DAPK2: variants seen among roughly 807,000 people sequenced by gnomAD.
The protein encoded by DAPK2 is death-associated protein kinase 2.
A neutral mutation model predicts 44.1 loss-of-function variants in DAPK2; 35 were observed. The observed-to-expected ratio is 0.79, with a 90% CI of 0.61 to 1.05. DAPK2 has a LOEUF of 1.05. DAPK2 is among the 50% of genes least tolerant of loss of function. The probability of loss-of-function intolerance (pLI) is 0.00; values close to 1 mark genes in which losing one functional copy is unlikely to be tolerated. For missense variants in DAPK2, 453 were observed against 483.2 expected (o/e 0.94, Z 0.59); for synonymous variants, 174 against 182.6 (o/e 0.95, Z 0.38).
chr15:64,046,392 A>ACGGCGGGAG (rs2080469480), upstream of DAPK2: 1 of 288,300 alleles, frequency 3.5e-6, no homozygotes, highest in African/African-American at 2.4e-5. The surrounding 1 kb of genome is among the most constrained non-coding windows in gnomAD (Gnocchi z 5.3). Context: ...CGCGGCGGGA[A>ACGGCGGGAG]CGGGGGACGC....
chr15:64,027,441 T>C (rs2079881428), intron 1 of DAPK2, among the ~76,000 whole-genome samples: 1 of 150,700 alleles, frequency 6.6e-6, no homozygotes. Flanking sequence ...TGGTGGCACA[T>C]AGTCCCAGCT....
rs143907987 is a variant in DAPK2 at position 64,008,096 on chromosome 15, A to G, written c.93-24342T>C. On this transcript the variant is annotated intron_variant, in intron 1 of 10. Coordinates refer to ENST00000261891, the Ensembl canonical transcript of DAPK2. ...AAATGTTCTAAAATTGATGATGATG[A>G]TGGTCACACAACTCTGAATACATTA... Among the ~76,000 whole-genome samples, 377 of 151,976 alleles carry G rather than the reference A, an allele frequency of 2.5e-3. 1 individual carries two copies. The highest frequency in any genetic ancestry group is 8.7e-3 in the African/African-American group (360 of 41,528).
chr15:63,915,541 G>T (rs1223059739), intron 8 of DAPK2, among the ~76,000 whole-genome samples: 1 of 152,200 alleles, frequency 6.6e-6, no homozygotes, highest in African/African-American at 2.4e-5. Flanking sequence ...AGGGGAGGAA[G>T]AGCTAAGCCC....
Position 63,923,421 on chromosome 15 carries a change from A to G in DAPK2, c.858+1395T>C. The stretch of plus-strand genomic sequence containing the variant: ...GAGGGCAGTCCAAAGGGTAGGCAGA[A>G]GGCACACAAGCGGCCTCTGGCATTC... On this transcript the variant is annotated intron_variant, in intron 8 of 10. Coordinates refer to ENST00000261891, the Ensembl canonical transcript of DAPK2. This position sits in a 1 kb window ranked among gnomAD's most constrained non-coding sequence, Gnocchi z 4.2. 1 of 1,480,764 alleles carries G rather than the reference A, an allele frequency of 6.8e-7. No homozygotes were observed. The highest frequency in any genetic ancestry group is 1.4e-5 in the African/African-American group (1 of 71,530). 91.7% of individuals were successfully genotyped at this position (1,480,764 alleles called of 1,614,324 possible). A position where few individuals can be genotyped will look rare whatever the true frequency, so the allele number is the denominator to read the frequency against.
In DAPK2 at chr15:63,939,316, T is replaced by C; in HGVS notation, c.499A>G (p.Ile167Val). Residue 167 changes from isoleucine (I) to valine (V), a missense_variant, in exon 4 of 11, where the codon ATC becomes GTC. Physicochemically the swap from Ile to Val is conservative, Grantham distance 29 (BLOSUM62 3). Coordinates refer to ENST00000261891, the Ensembl canonical transcript of DAPK2. This position sits in a 1 kb window ranked among gnomAD's most constrained non-coding sequence, Gnocchi z 4.3. The stretch of plus-strand genomic sequence containing the variant: ...GCCAGACCAAAGTCAATCAGCTTGA[T>C]GTGTGGAATGGGAATATTCTTGTCT... 6.2e-7 allele frequency: 1 copy of C among 1,613,186 alleles called. No individual in the cohort carries two copies. Among genetic ancestry groups the C allele is most frequent in the Non-Finnish European group, 8.5e-7 (1 of 1,179,898 alleles).
At chr15:64,007,172 C>T (rs1486322803) in intron 1 of DAPK2, among the ~76,000 whole-genome samples, 1 of 152,004 alleles carries the variant, frequency 6.6e-6, no homozygotes, top group Non-Finnish European at 1.5e-5. Flanking sequence ...ACTATGTCAT[C>T]CTGGCTGGTC....
At chr15:63,922,286 A>T (rs2079096482) in intron 8 of DAPK2, 1 of 992,710 alleles carries the variant, frequency 1.0e-6, no homozygotes, top group African/African-American at 1.7e-5. Flanking sequence ...ATGCATTGTA[A>T]ATCCCTGCTT....
At chr15:63,998,483 A>T (rs1375809851) in intron 1 of DAPK2, among the ~76,000 whole-genome samples, 1 of 151,954 alleles carries the variant, frequency 6.6e-6, no homozygotes, top group Non-Finnish European at 1.5e-5. Flanking sequence ...CAGGCTGGGG[A>T]CTCTGCAGGG....
upstream of DAPK2, among the ~76,000 whole-genome samples, chr15:64,044,430 T>C (rs1462535371): frequency 6.6e-6 from 1 of 152,194 alleles, no homozygotes; most frequent in Non-Finnish European, 1.5e-5. Flanking sequence ...CCATACTATA[T>C]GTTGGCGTTC....
At chr15:63,911,987 G>A in exon 10 of DAPK2, 1 of 1,613,910 alleles carries the variant, frequency 6.2e-7, no homozygotes, top group Non-Finnish European at 8.5e-7. Context: ...GATGCTGAAG[G>A]AAAGCTGAGG....
At chr15:63,911,777 G>T in intron 10 of DAPK2, 131 bp downstream of exon 11, 1 of 882,028 alleles carries the variant, frequency 1.1e-6, no homozygotes. Flanking sequence ...GGAAGAGGAG[G>T]ACTGGGCCAG....
chr15:64,040,897 G>GAAAAAAAAA (rs3056980), upstream of DAPK2, among the ~76,000 whole-genome samples: 24 of 83,438 alleles, frequency 2.9e-4, no homozygotes, highest in Non-Finnish European at 3.8e-4. Context: ...CTGGGCAACA[G>GAAAAAAAAA]AAAAAAAAAA....
intron 8 of DAPK2, chr15:63,922,774 T>A: frequency 6.5e-7 from 1 of 1,533,728 alleles, no homozygotes; most frequent in Non-Finnish European, 8.7e-7. Context: ...CAGTGCATGA[T>A]CTGCTGAGCA....
intron 1 of DAPK2, among the ~76,000 whole-genome samples, chr15:64,034,625 G>C (rs982010034): frequency 6.7e-6 from 1 of 149,364 alleles, no homozygotes; most frequent in Non-Finnish European, 1.5e-5. Context: ...ATAAAGGTTG[G>C]ATGTAGATTT....
chr15:63,911,017 C>G (rs896998320), intron 10 of DAPK2: 1 of 152,206 alleles, frequency 6.6e-6, no homozygotes, highest in South Asian at 2.1e-4. Context: ...GTCGGGAGTT[C>G]GAGACCAGCC....
At chr15:63,930,379 G>C (rs371973871) in intron 5 of DAPK2, 28 bp downstream of exon 6, 1 of 1,612,956 alleles carries the variant, frequency 6.2e-7, no homozygotes, top group African/African-American at 1.3e-5. Flanking sequence ...AGGATCGCTA[G>C]GTCACCTGAG....
At position 63,955,694 on chromosome 15, in the gene DAPK2, A is replaced by G. The variant is rs553275571; in HGVS notation, c.453+15729T>C. Among the ~76,000 whole-genome samples, 569 of 152,148 alleles carry G rather than the reference A, an allele frequency of 3.7e-3. 4 individuals are homozygous for G. Among genetic ancestry groups the G allele is most frequent in the Non-Finnish European group, 6.9e-3 (469 of 68,004 alleles). The stretch of plus-strand genomic sequence containing the variant: ...GTGATCCTCCCATCTCAGCCTCCCA[A>G]CTAACTGGGACTACAGGCATGCACC... On this transcript the variant is annotated intron_variant, in intron 3 of 10. Transcript: ENST00000261891.
chr15:63,929,406 G>T, intron 6 of DAPK2, 145 bp downstream of exon 7: 1 of 1,015,576 alleles, frequency 9.8e-7, no homozygotes, highest in Non-Finnish European at 1.5e-6. Flanking sequence ...ACAGCACTTA[G>T]CCTCAGGCTT....
rs930622494 is a variant in DAPK2, at chr15:64,028,120, G to A, written c.92+12050C>T. 1.2e-4 allele frequency among the ~76,000 whole-genome samples: 19 copies of A among 152,182 alleles called. No homozygotes were observed. In the East Asian group the frequency reaches 2.7e-3, roughly 22 times the overall value. ...GTTGCCCAGGCTGGAGTGCAGTGGC[G>A]CTATCTCAGCTCACTGCAACCTCCA... is the stretch of plus-strand genomic sequence containing the variant. On this transcript the variant is annotated intron_variant, in intron 1 of 10. Transcript: ENST00000261891.
Sources: gnomAD v4.1 joint callset for allele counts (sites outside exome capture counted in the v4.1 genomes callset) on GRCh38, gnomAD v4.1.1 for gene constraint, Gnocchi (gnomAD v3.1) non-coding constraint, MANE v1.5 for transcripts, NCBI Gene and HGNC (gene_info 2026-07-23, HGNC 2026-07-21) for gene names.